FAM193A: variants seen among roughly 807,000 people sequenced by gnomAD.
FAM193A encodes the protein protein FAM193A.
FAM193A carries 22 observed loss-of-function variants against 126.5 expected under a neutral mutation model. The observed-to-expected ratio is 0.17, with a 90% CI of 0.12 to 0.25. The LOEUF (loss-of-function observed/expected upper bound fraction) is 0.25, where lower values mean the gene tolerates loss of function less well. Among genes scored for constraint, FAM193A ranks in the 10% least tolerant of loss-of-function variants. FAM193A has a pLI of 1.00. For missense variants in FAM193A, 1,675 were observed against 1,672.8 expected, an observed-to-expected ratio of 1.00 and a Z score of -0.02; for synonymous variants, 761 against 646.8, an observed-to-expected ratio of 1.18 and a Z score of -2.68.
chr4:2,622,028 G>A (rs1269403809), intron 2 of FAM193A, among the ~76,000 whole-genome samples: 2 of 152,080 alleles, frequency 1.3e-5, no homozygotes, highest in Non-Finnish European at 2.9e-5. Context: ...ATGAAGGTGG[G>A]CGGATCACTT....
chr4:2,562,402 A>G (rs1264529075), intron 1 of FAM193A, among the ~76,000 whole-genome samples: 12 of 152,172 alleles, frequency 7.9e-5, no homozygotes, highest in African/African-American at 2.4e-4. Context: ...CAGTGAGCTG[A>G]TGGCACCACT....
At chr4:2,555,614 T>C (rs1221954696) in intron 1 of FAM193A, among the ~76,000 whole-genome samples, 1 of 152,096 alleles carries the variant, frequency 6.6e-6, no homozygotes, top group Non-Finnish European at 1.5e-5. Context: ...CACTGTTTTT[T>C]GTTTGTTTGT....
At chr4:2,709,554 C>A (rs1440123240) in intron 19 of FAM193A, among the ~76,000 whole-genome samples, 1 of 152,080 alleles carries the variant, frequency 6.6e-6, no homozygotes, top group African/African-American at 2.4e-5. Flanking sequence ...ACTAAAAATA[C>A]AAAAATTTGC....
intron 12 of FAM193A, among the ~76,000 whole-genome samples, chr4:2,664,392 T>C (rs1260902814): frequency 3.3e-5 from 5 of 152,254 alleles, no homozygotes; most frequent in Non-Finnish European, 4.4e-5. Flanking sequence ...ATCAATGGAC[T>C]GTAAATGTAA....
intron 2 of FAM193A, among the ~76,000 whole-genome samples, chr4:2,621,422 T>C (rs1005385583): frequency 2.0e-5 from 3 of 152,146 alleles, no homozygotes; most frequent in African/African-American, 7.2e-5. Context: ...AATCAGAGGC[T>C]CACTGACTAA....
At position 2,560,248 on chromosome 4, in the gene FAM193A, A is replaced by G. The variant is rs377762436; in HGVS notation, c.255+23078A>G. On this transcript the variant is annotated intron_variant, in intron 1 of 20. Transcript: ENST00000637812. ...GTGAGCCACCGCGCCTGGCCTGTGC[A>G]GGCTTTTCTTTCCAGTGAGTTCTTC... 3.6e-4 allele frequency among the ~76,000 whole-genome samples: 55 copies of G among 152,146 alleles called. No homozygotes were observed. In the East Asian group the frequency reaches 5.2e-3, roughly 14 times the overall value.
rs202130666 is a variant in FAM193A, at chr4:2,549,557, C to T, written c.255+12387C>T. Among the ~76,000 whole-genome samples the T allele has an allele frequency of 3.2e-3, 469 of 147,496 alleles. 2 individuals carry two copies. The highest frequency in any genetic ancestry group is 0.023 in the East Asian group (114 of 4,940). ...GACTACAGGCGCCCGCCACTACGCT[C>T]GGCTAATTTTTTGTATTTTTAGTAG... On this transcript the variant is annotated intron_variant, in intron 1 of 20. Transcript: ENST00000637812.
chr4:2,590,338 G>T (rs1360368718), intron 1 of FAM193A, among the ~76,000 whole-genome samples: 1 of 151,058 alleles, frequency 6.6e-6, no homozygotes, highest in Non-Finnish European at 1.5e-5. Flanking sequence ...GGTGGCTCCT[G>T]CCTGTAGTCC....
At chr4:2,624,405 A>G (rs1742761033) in intron 2 of FAM193A, among the ~76,000 whole-genome samples, 1 of 152,124 alleles carries the variant, frequency 6.6e-6, no homozygotes, top group African/African-American at 2.4e-5. Context: ...CGGCCTCCCA[A>G]AGTGCTGGGA....
At chr4:2,729,927 A>G (rs999325510) in intron 20 of FAM193A, among the ~76,000 whole-genome samples, 3 of 151,068 alleles carry the variant, frequency 2.0e-5, no homozygotes, top group African/African-American at 7.3e-5. Context: ...TATTTTTGAG[A>G]CGGGTCTCAC....
intron 2 of FAM193A, among the ~76,000 whole-genome samples, chr4:2,616,222 CCAT>C (rs1441735964): frequency 1.3e-5 from 2 of 152,220 alleles, no homozygotes; most frequent in African/African-American, 4.8e-5. Context: ...AATGCCACCA[CCAT>C]CATCATCAGC....
At chr4:2,726,778 CAAAA>C (rs71589604) in intron 20 of FAM193A, among the ~76,000 whole-genome samples, 1,055 of 44,950 alleles carry the variant, frequency 0.023, 8 homozygotes, top group Non-Finnish European at 0.034. Context: ...CTAAAAATAC[CAAAA>C]AAAAAAAAAA....
At chr4:2,550,731 TGTTG>T (rs1395398104) in intron 1 of FAM193A, among the ~76,000 whole-genome samples, 3 of 152,006 alleles carry the variant, frequency 2.0e-5, no homozygotes, top group African/African-American at 7.2e-5. Context: ...CCACCACGCC[TGTTG>T]GTTGTTTTTT....
intron 4 of FAM193A, among the ~76,000 whole-genome samples, chr4:2,628,853 CTTTTTTTTT>C (rs71178496): frequency 1.4e-5 from 1 of 71,718 alleles, no homozygotes; most frequent in African/African-American, 3.3e-5. Flanking sequence ...CTGTCTCTCT[CTTTTTTTTT>C]TTTTTTTTGA....
At chr4:2,663,055 A>C in intron 11 of FAM193A, 54 bp from the exon 12 acceptor site, 1 of 1,596,958 alleles carries the variant, frequency 6.3e-7, no homozygotes, top group Non-Finnish European at 8.6e-7. Flanking sequence ...ACATTTTAAT[A>C]TTTTATATTA....
intron 1 of FAM193A, among the ~76,000 whole-genome samples, chr4:2,585,775 G>T (rs909020543): frequency 6.6e-6 from 1 of 152,070 alleles, no homozygotes. Flanking sequence ...AAAAAATACA[G>T]AAATTAGCTG....
At chr4:2,559,169 C>T (rs972320518) in intron 1 of FAM193A, among the ~76,000 whole-genome samples, 3 of 152,134 alleles carry the variant, frequency 2.0e-5, no homozygotes, top group Non-Finnish European at 4.4e-5. Flanking sequence ...TACAGATGTC[C>T]ACACCTGTAT....
intron 2 of FAM193A, among the ~76,000 whole-genome samples, chr4:2,612,198 A>G (rs1377387078): frequency 6.6e-6 from 1 of 151,510 alleles, no homozygotes; most frequent in East Asian, 1.9e-4. Context: ...TTTGCTACTC[A>G]AGGTTATAAA....
At chr4:2,652,070 A>G (rs932066598) in intron 7 of FAM193A, among the ~76,000 whole-genome samples, 1 of 152,212 alleles carries the variant, frequency 6.6e-6, no homozygotes, top group African/African-American at 2.4e-5. Context: ...TCAGGGACAC[A>G]TCTGTCCCTG....
Sources: gnomAD v4.1 joint callset for allele counts (sites outside exome capture counted in the v4.1 genomes callset) on GRCh38, gnomAD v4.1.1 for gene constraint, MANE v1.5 for transcripts, NCBI Gene and HGNC (gene_info 2026-07-23, HGNC 2026-07-21) for gene names.